The following PLCE1 variants were observed in gnomAD, a reference collection of about 807,000 sequenced individuals.
PLCE1 encodes 1-phosphatidylinositol 4,5-bisphosphate phosphodiesterase epsilon-1.
A neutral mutation model predicts 242.8 loss-of-function variants in PLCE1; 119 were observed. The ratio of observed to expected loss-of-function variants is 0.49; its 90% confidence interval spans 0.42 to 0.57. PLCE1 has a LOEUF of 0.57. Among genes scored for constraint, PLCE1 ranks in the 20% least tolerant of loss-of-function variants. PLCE1 has a pLI of 0.00. For synonymous variants in PLCE1, 945 were observed against 1,017.4 expected, an observed-to-expected ratio of 0.93 and a Z score of 1.35; for missense variants, 2,441 against 2,788.8, an observed-to-expected ratio of 0.88 and a Z score of 2.81.
At chr10:94,175,812 G>A (rs1365316923) in intron 4 of PLCE1, among the ~76,000 whole-genome samples, 1 of 152,088 alleles carries the variant, frequency 6.6e-6, no homozygotes, top group Non-Finnish European at 1.5e-5. Flanking sequence ...AAATAAGTGA[G>A]AACACACAGA....
intron 8 of PLCE1, 85 bp downstream of exon 8, chr10:94,246,706 C>G: frequency 7.9e-7 from 1 of 1,264,230 alleles, no homozygotes; most frequent in East Asian, 2.4e-5. Flanking sequence ...GGTTCATGCT[C>G]CCAGCTCTGA....
At chr10:94,251,699 G>C (rs1398735705) in intron 8 of PLCE1, among the ~76,000 whole-genome samples, 2 of 152,164 alleles carry the variant, frequency 1.3e-5, no homozygotes, top group Non-Finnish European at 2.9e-5. Flanking sequence ...TGAGTGTGTT[G>C]TTGCTGCTCA....
intron 3 of PLCE1, among the ~76,000 whole-genome samples, chr10:94,166,994 A>G (rs2047825741): frequency 6.6e-6 from 1 of 152,204 alleles, no homozygotes; most frequent in South Asian, 2.1e-4. Context: ...AGTCTAGTTA[A>G]GATATGCTAT....
intron 1 of PLCE1, among the ~76,000 whole-genome samples, chr10:94,002,050 G>A (rs2060941900): frequency 6.6e-6 from 1 of 152,038 alleles, no homozygotes; most frequent in Non-Finnish European, 1.5e-5. Flanking sequence ...CTTTCATCAT[G>A]GCTTGGGCAC....
At chr10:94,050,638 C>T (rs541502427) in intron 2 of PLCE1, among the ~76,000 whole-genome samples, 1 of 151,984 alleles carries the variant, frequency 6.6e-6, no homozygotes, top group Non-Finnish European at 1.5e-5. Context: ...GGGCATCTAA[C>T]CTTGTAGCTT....
At position 94,008,217 on chromosome 10, in the gene PLCE1, A is replaced by C. The variant is rs151281469; in HGVS notation, c.-365+13959A>C. On this transcript the variant is annotated intron_variant, in intron 1 of 32. Coordinates refer to ENST00000371380, the MANE Select transcript of PLCE1 (RefSeq NM_016341.4). ...AAAAAAAAAAAAAAAAAAAAAAAGT[A>C]ACAATATGCTCTGAAAATCTTCAGG... Among the ~76,000 whole-genome samples, 1,084 of 109,176 alleles carry C rather than the reference A, an allele frequency of 9.9e-3. 41 individuals carry two copies. The East Asian group carries it at 0.13, about 14-fold the overall frequency. The allele number at this position is 109,176 out of a possible 152,430, so 71.6% of individuals were successfully genotyped here.
chr10:94,255,467 A>C (rs1430714684), intron 11 of PLCE1, among the ~76,000 whole-genome samples: 1 of 151,708 alleles, frequency 6.6e-6, no homozygotes, highest in African/African-American at 2.4e-5. Flanking sequence ...GATAGAGAAC[A>C]TTTCTTTTTA....
chr10:94,327,156 G>A (rs896115532), intron 32 of PLCE1, among the ~76,000 whole-genome samples: 5 of 152,154 alleles, frequency 3.3e-5, no homozygotes, highest in African/African-American at 7.2e-5. Context: ...GCGAGACTCC[G>A]TCTCAAAACA....
Position 94,320,915 on chromosome 10 carries a change from G to C in PLCE1, c.6343-986G>C, listed in dbSNP as rs1056585652. On this transcript the variant is annotated intron_variant, in intron 29 of 32. Coordinates refer to ENST00000371380, the MANE Select transcript of PLCE1 (RefSeq NM_016341.4). ...TTATCCAATGACAGTGGGGTATTTT[G>C]TGGCGAATAAGGTGGGAGAAGGAAA... Among the ~76,000 whole-genome samples the C allele has an allele frequency of 2.0e-5, 3 of 152,162 alleles. No homozygotes were observed. The South Asian group carries it at 6.2e-4, about 31-fold the overall frequency.
intron 2 of PLCE1, among the ~76,000 whole-genome samples, chr10:94,124,670 A>G (rs1230019862): frequency 2.0e-5 from 3 of 152,200 alleles, no homozygotes; most frequent in African/African-American, 7.2e-5. Flanking sequence ...CTGCAACTCA[A>G]TATTTGTTTA....
At chr10:94,065,912 T>C (rs557164590) in intron 2 of PLCE1, among the ~76,000 whole-genome samples, 1 of 152,266 alleles carries the variant, frequency 6.6e-6, no homozygotes, top group Admixed American at 6.5e-5. Context: ...AGATAACCAT[T>C]AAGGCACAAA....
At chr10:94,287,768 C>T (rs2052510915) in intron 22 of PLCE1, among the ~76,000 whole-genome samples, 1 of 151,864 alleles carries the variant, frequency 6.6e-6, no homozygotes, top group Non-Finnish European at 1.5e-5. Context: ...ATTTTATGAC[C>T]CCATCAACCT....
Position 94,324,794 on chromosome 10 carries a change from T to C in PLCE1, c.6721-98T>C, listed in dbSNP as rs1007401111. 6 of 1,266,872 alleles carry C rather than the reference T, an allele frequency of 4.7e-6. No homozygotes were observed. In the African/African-American group the frequency reaches 8.8e-5, roughly 19 times the overall value. 78.5% of individuals were successfully genotyped at this position (1,266,872 alleles called of 1,614,324 possible). On this transcript the variant is annotated intron_variant, in intron 31 of 32. Coordinates refer to ENST00000371380, the MANE Select transcript of PLCE1 (RefSeq NM_016341.4). Reference sequence around the variant, plus strand: ...TCCTCAGCCCTACTCTCTCCAAAGCTCTAGAGAGAAGAGGAAAGCGCTCTT... The same window carrying C: ...TCCTCAGCCCTACTCTCTCCAAAGCCCTAGAGAGAAGAGGAAAGCGCTCTT...
chr10:94,266,057 CT>C, intron 16 of PLCE1, 99 bp downstream of exon 16: 1 of 1,091,422 alleles, frequency 9.2e-7, no homozygotes, highest in Non-Finnish European at 1.4e-6. Context: ...CTTTGAAGAG[CT>C]TATAGAGTAA....
intron 3 of PLCE1, among the ~76,000 whole-genome samples, chr10:94,165,714 CT>C (rs562102933): frequency 3.7e-4 from 54 of 147,040 alleles, no homozygotes; most frequent in Non-Finnish European, 4.8e-4. Flanking sequence ...TCGTTTTGAT[CT>C]TTTTTTTTTT....
intron 4 of PLCE1, among the ~76,000 whole-genome samples, chr10:94,183,989 A>C (rs964846239): frequency 6.6e-6 from 1 of 152,210 alleles, no homozygotes; most frequent in African/African-American, 2.4e-5. Flanking sequence ...TTTCAACATG[A>C]GATTTGAACA....
At chr10:94,066,410 C>A (rs929035204) in intron 2 of PLCE1, among the ~76,000 whole-genome samples, 4 of 152,078 alleles carry the variant, frequency 2.6e-5, no homozygotes, top group Admixed American at 2.6e-4. Flanking sequence ...TGATGCTGCC[C>A]AGACTACAAG....
intron 2 of PLCE1, among the ~76,000 whole-genome samples, chr10:94,066,306 C>A (rs986080860): frequency 1.3e-5 from 2 of 152,206 alleles, no homozygotes; most frequent in Non-Finnish European, 2.9e-5. Flanking sequence ...GCATCAGGCA[C>A]AATGCTTGGC....
chr10:94,198,714 G>T (rs1490942727), intron 4 of PLCE1, among the ~76,000 whole-genome samples: 1 of 152,168 alleles, frequency 6.6e-6, no homozygotes, highest in Non-Finnish European at 1.5e-5. Context: ...ACAGTAGGTA[G>T]TCTTTTGAGC....
Sources: allele counts gnomAD v4.1 joint callset (sites outside exome capture counted in the v4.1 genomes callset), GRCh38; gene constraint gnomAD v4.1.1; transcripts MANE v1.5; gene names NCBI Gene and HGNC (gene_info 2026-07-23, HGNC 2026-07-21).